UNC13C: variants seen among roughly 807,000 people sequenced by gnomAD.
The protein encoded by UNC13C is protein unc-13 homolog C.
UNC13C carries 174 observed loss-of-function variants against 245.4 expected under a neutral mutation model. That is an observed-to-expected ratio of 0.71 (90% CI 0.63 to 0.80). The LOEUF is 0.80. Among genes scored for constraint, UNC13C ranks in the 30% least tolerant of loss-of-function variants. The probability of loss-of-function intolerance (pLI) is 0.00; values close to 1 mark genes in which losing one functional copy is unlikely to be tolerated. For missense variants in UNC13C, 2,829 were observed against 2,602.9 expected (o/e 1.09, Z -1.89); for synonymous variants, 992 against 895.1 (o/e 1.11, Z -1.93).
chr15:54,408,992 CAA>C (rs2040363997), intron 18 of UNC13C, among the ~76,000 whole-genome samples: 1 of 152,124 alleles, frequency 6.6e-6, no homozygotes, highest in Non-Finnish European at 1.5e-5. Flanking sequence ...GGGGCACAGA[CAA>C]GAGAAGGGGA....
Position 54,013,417 on chromosome 15 carries a change from A to T in UNC13C, c.514A>T (p.Thr172Ser), listed in dbSNP as rs767826609. The change falls in exon 2 of 33, where the codon ACT becomes TCT. Residue 172 changes from threonine to serine, a missense_variant. Transcript: ENST00000260323. ...TGAGGGCAGCTCTGACGGGGAGCGT[A>T]CTCTACATGGCTTAAAACTGGGAGC... ...PSEGSSDGER[T>S]LHGLKLGALR... The T allele has an allele frequency of 4.3e-6, 7 of 1,613,882 alleles. No individual in the cohort carries two copies. The highest frequency in any genetic ancestry group is 3.3e-5 in the South Asian group (3 of 91,080).
intron 2 of UNC13C, among the ~76,000 whole-genome samples, chr15:54,093,606 G>C (rs1899688689): frequency 6.6e-6 from 1 of 152,232 alleles, no homozygotes; most frequent in Admixed American, 6.5e-5. Flanking sequence ...GCACGTGGGT[G>C]CTGCAATGGT....
the UNC13C span, among the ~76,000 whole-genome samples, chr15:53,934,114 G>A: frequency 0.1 from 15,271 of 152,132 alleles, 1,145 homozygotes; most frequent in East Asian, 0.33. Context: ...TGAGGGAGGT[G>A]CCACATACTT....
rs1901311586 is a variant in UNC13C, at chr15:54,628,247, T to C, written c.*1134T>C. 1 of 152,174 alleles carries C rather than the reference T, an allele frequency of 6.6e-6. No individual in the cohort carries two copies. The highest frequency in any genetic ancestry group is 1.5e-5 in the Non-Finnish European group (1 of 68,028). 9.4% of individuals were successfully genotyped at this position (152,174 alleles called of 1,614,324 possible). Reference sequence around the variant, plus strand: ...ACAGTTTATGAATATGTGCATTTTCTGTATTGTTATGATTTGACTTTTTAG... The same window carrying C: ...ACAGTTTATGAATATGTGCATTTTCCGTATTGTTATGATTTGACTTTTTAG... On this transcript the variant is annotated 3_prime_UTR_variant, in exon 33 of 33. Transcript: ENST00000260323.
intron 4 of UNC13C, among the ~76,000 whole-genome samples, chr15:54,207,637 T>G (rs7171840): frequency 0.016 from 2,509 of 152,244 alleles, 59 homozygotes; most frequent in African/African-American, 0.058. Flanking sequence ...GGGGATAATT[T>G]GGAGATAATT....
chr15:54,535,807 G>C (rs997527229), intron 26 of UNC13C, among the ~76,000 whole-genome samples: 4 of 151,960 alleles, frequency 2.6e-5, no homozygotes, highest in African/African-American at 9.7e-5. Flanking sequence ...AAAAGAAAAG[G>C]TATAACATAC....
chr15:54,416,694 C>T (rs1403476963), intron 19 of UNC13C, among the ~76,000 whole-genome samples: 1 of 152,134 alleles, frequency 6.6e-6, no homozygotes, highest in African/African-American at 2.4e-5. Context: ...GGCCTATACT[C>T]TGCATCCCCC....
chr15:54,632,475 C>G (rs951535555), downstream of UNC13C: 1 of 152,082 alleles, frequency 6.6e-6, no homozygotes, highest in Non-Finnish European at 1.5e-5. Flanking sequence ...TGGGGTATTA[C>G]AATTTGGCCT....
chr15:54,401,512 G>A (rs998465651), intron 18 of UNC13C, among the ~76,000 whole-genome samples: 2 of 152,144 alleles, frequency 1.3e-5, no homozygotes, highest in Admixed American at 1.3e-4. Flanking sequence ...TGAATCGGCT[G>A]ACAGGGAGAA....
intron 2 of UNC13C, among the ~76,000 whole-genome samples, chr15:54,045,342 C>G (rs1465282185): frequency 6.6e-6 from 1 of 152,084 alleles, no homozygotes; most frequent in Non-Finnish European, 1.5e-5. Context: ...TTTAACAACC[C>G]TGTTAAAAAT....
chr15:54,486,493 G>T (rs1283215643), intron 19 of UNC13C, among the ~76,000 whole-genome samples: 1 of 151,638 alleles, frequency 6.6e-6, no homozygotes, highest in African/African-American at 2.4e-5. Context: ...ATAGCACCTG[G>T]TTCATAGTAG....
chr15:54,154,241 T>C (rs1184189664), intron 4 of UNC13C, among the ~76,000 whole-genome samples: 1 of 151,948 alleles, frequency 6.6e-6, no homozygotes, highest in African/African-American at 2.4e-5. Context: ...TTTCTATTGG[T>C]ATTTTGATAC....
At chr15:54,464,645 T>C (rs1270850684) in intron 19 of UNC13C, among the ~76,000 whole-genome samples, 2 of 152,088 alleles carry the variant, frequency 1.3e-5, no homozygotes, top group African/African-American at 2.4e-5. Context: ...AAATTTTTAT[T>C]TGAATAATTT....
At chr15:54,024,565 G>GC in intron 2 of UNC13C, among the ~76,000 whole-genome samples, 1 of 152,164 alleles carries the variant, frequency 6.6e-6, no homozygotes, top group Middle Eastern at 3.4e-3. Context: ...AGAGCTAAAT[G>GC]CATTGATTGA....
intron 4 of UNC13C, among the ~76,000 whole-genome samples, chr15:54,231,471 G>T (rs573289283): frequency 6.7e-6 from 1 of 149,510 alleles, no homozygotes; most frequent in East Asian, 1.9e-4. Context: ...TCTTAATAAT[G>T]ACCTTGGGTA....
intron 7 of UNC13C, among the ~76,000 whole-genome samples, chr15:54,245,802 G>A (rs1190732106): frequency 6.6e-6 from 1 of 151,952 alleles, no homozygotes; most frequent in African/African-American, 2.4e-5. Flanking sequence ...CTCAAAACAA[G>A]AAGCATTTTT....
chr15:54,268,388 C>G (rs1038769686), intron 10 of UNC13C, among the ~76,000 whole-genome samples: 1 of 152,090 alleles, frequency 6.6e-6, no homozygotes, highest in Non-Finnish European at 1.5e-5. Context: ...TCCTTCCCTA[C>G]CAATTCTAAC....
At chr15:53,911,418 C>T in the UNC13C span, 1 of 152,324 alleles carries the variant, frequency 6.6e-6, no homozygotes, top group Non-Finnish European at 1.5e-5. Flanking sequence ...CATGAGCAGC[C>T]AATGGGACCG....
intron 11 of UNC13C, among the ~76,000 whole-genome samples, chr15:54,294,496 G>A (rs1337429197): frequency 1.3e-5 from 2 of 152,068 alleles, no homozygotes; most frequent in Non-Finnish European, 2.9e-5. Flanking sequence ...CGGTATAACA[G>A]TAGGCTTTAG....
Sources: allele counts gnomAD v4.1 joint callset (sites outside exome capture counted in the v4.1 genomes callset), GRCh38; gene constraint gnomAD v4.1.1; transcripts MANE v1.5; gene names NCBI Gene and HGNC (gene_info 2026-07-23, HGNC 2026-07-21).